DYNC2H1: variants seen among roughly 807,000 people sequenced by gnomAD.
The protein encoded by DYNC2H1 is cytoplasmic dynein 2 heavy chain 1.
In DYNC2H1, 410 loss-of-function variants were observed where a neutral mutation model predicts 570.0. The observed-to-expected ratio is 0.72, with a 90% confidence interval of 0.66 to 0.78. The LOEUF (loss-of-function observed/expected upper bound fraction) is 0.78, where lower values mean the gene tolerates loss of function less well. DYNC2H1 is among the 30% of genes least tolerant of loss of function. DYNC2H1 has a pLI of 0.00. For missense variants in DYNC2H1, 4,865 were observed against 5,046.4 expected (o/e 0.96, Z 1.09); for synonymous variants, 1,688 against 1,677.6 (o/e 1.01, Z -0.15).
intron 87 of DYNC2H1, among the ~76,000 whole-genome samples, chr11:103,464,047 GA>G: frequency 6.6e-6 from 1 of 151,702 alleles, no homozygotes; most frequent in African/African-American, 2.4e-5. Flanking sequence ...AAGTAAATGG[GA>G]AAAAAAATCT....
intron 84 of DYNC2H1, among the ~76,000 whole-genome samples, chr11:103,426,801 G>A (rs1255585251): frequency 6.6e-6 from 1 of 152,164 alleles, no homozygotes; most frequent in Non-Finnish European, 1.5e-5. Flanking sequence ...TTAATGCGCA[G>A]AAATTAGTGC....
intron 78 of DYNC2H1, among the ~76,000 whole-genome samples, chr11:103,308,672 T>A (rs971254490): frequency 6.6e-6 from 1 of 152,170 alleles, no homozygotes; most frequent in Non-Finnish European, 1.5e-5. Flanking sequence ...TGTGTGTGTT[T>A]AATAGTGGTC....
chr11:103,432,642 A>G (rs78852776), intron 84 of DYNC2H1, among the ~76,000 whole-genome samples: 3,923 of 143,576 alleles, frequency 0.027, 115 homozygotes, highest in African/African-American at 0.07. Flanking sequence ...CATAAACAGC[A>G]AGCAATAAGT....
chr11:103,170,887 G>T lies in DYNC2H1; in HGVS notation c.5153G>T (p.Gly1718Val), dbSNP rs561851770. The change falls in exon 34 of 89, where the codon GGC becomes GTC. Residue 1718 changes from glycine (G) to valine (V), a missense_variant and splice_region_variant. By Grantham distance (109) the Gly-to-Val change is moderately radical. This residue lies in a region of DYNC2H1 where 292 missense variants were observed against 300.2 expected (regional missense o/e 0.97). Transcript: ENST00000375735. The surrounding 1 kb of genome is among the most constrained non-coding windows in gnomAD (Gnocchi z 4.8). ...ATAATTTTTATTGTTGTTTTTAAGG[G>T]CATCGATGTGAAGTCAATGGGACGA... Reference protein sequence around the residue: ...RQVLVFNCDEGIDVKSMGRIF... With the variant: ...RQVLVFNCDEVIDVKSMGRIF... The T allele has an allele frequency of 1.3e-6, 2 of 1,488,596 alleles. No homozygotes were observed. The highest frequency in any genetic ancestry group is 1.8e-6 in the Non-Finnish European group (2 of 1,109,588). The allele number at this position is 1,488,596 out of a possible 1,614,324, so 92.2% of individuals were successfully genotyped here. A position where few individuals can be genotyped will look rare whatever the true frequency, so the allele number is the denominator to read the frequency against.
At chr11:103,406,975 GTATT>G (rs557647510) in intron 84 of DYNC2H1, 5 of 151,842 alleles carry the variant, frequency 3.3e-5, no homozygotes, top group Non-Finnish European at 7.4e-5. Context: ...TCGATTAATA[GTATT>G]TATTGTTCAT....
chr11:103,283,161 T>A, intron 73 of DYNC2H1, 76 bp downstream of exon 73: 1 of 1,191,618 alleles, frequency 8.4e-7, no homozygotes, highest in Non-Finnish European at 1.2e-6. Context: ...TTTGTGCTCC[T>A]TATTCGTAAT....
chr11:103,255,156 A>C (rs571865781), intron 66 of DYNC2H1, among the ~76,000 whole-genome samples: 1 of 152,316 alleles, frequency 6.6e-6, no homozygotes, highest in Admixed American at 6.5e-5. Flanking sequence ...TAAATATTAC[A>C]CATTGATATG....
At chr11:103,335,144 T>C (rs1318912628) in intron 82 of DYNC2H1, among the ~76,000 whole-genome samples, 1 of 152,072 alleles carries the variant, frequency 6.6e-6, no homozygotes, top group East Asian at 1.9e-4. Context: ...TAGCATCCAA[T>C]AATGCATTTT....
chr11:103,287,174 G>T (rs1167290195), intron 74 of DYNC2H1, among the ~76,000 whole-genome samples: 2 of 151,894 alleles, frequency 1.3e-5, no homozygotes, highest in Admixed American at 1.3e-4. Flanking sequence ...ATAGTGATTT[G>T]AAAATTTTAG....
At chr11:103,394,716 G>A (rs938486834) in intron 83 of DYNC2H1, among the ~76,000 whole-genome samples, 1 of 152,034 alleles carries the variant, frequency 6.6e-6, no homozygotes, top group Non-Finnish European at 1.5e-5. Context: ...AGGAGCTTTT[G>A]TTTGAAATAA....
chr11:103,477,832 C>CAAAAAAAA (rs55817710), intron 88 of DYNC2H1, among the ~76,000 whole-genome samples: 5 of 72,602 alleles, frequency 6.9e-5, no homozygotes, highest in Admixed American at 2.0e-4. Context: ...CTCCCCATCT[C>CAAAAAAAA]AAAAAAAAAA....
At chr11:103,476,896 A>G (rs1297971678) in intron 88 of DYNC2H1, among the ~76,000 whole-genome samples, 1 of 152,186 alleles carries the variant, frequency 6.6e-6, no homozygotes, top group African/African-American at 2.4e-5. Flanking sequence ...CATTTAAGAG[A>G]TGTAGTAGCT....
In DYNC2H1 at chr11:103,133,457, G is replaced by A; in HGVS notation, c.1954-98G>A. On this transcript the variant is annotated intron_variant, in intron 13 of 88. Transcript: ENST00000375735. This position sits in a 1 kb window ranked among gnomAD's most constrained non-coding sequence, Gnocchi z 4.8. Reference sequence around the variant, plus strand: ...TTATTATGTGCTTTCTTTGTTGCAGGTCAGAGTTGGGGATAGTTGAACTTT... The same window carrying A: ...TTATTATGTGCTTTCTTTGTTGCAGATCAGAGTTGGGGATAGTTGAACTTT... The A allele has an allele frequency of 1.8e-6, 2 of 1,131,304 alleles. No homozygotes were observed. The highest frequency in any genetic ancestry group is 3.2e-5 in the South Asian group (2 of 62,234). The allele number at this position is 1,131,304 out of a possible 1,614,324, so 70.1% of individuals were successfully genotyped here.
At chr11:103,449,835 A>G (rs982916204) in intron 85 of DYNC2H1, among the ~76,000 whole-genome samples, 1 of 152,162 alleles carries the variant, frequency 6.6e-6, no homozygotes, top group Non-Finnish European at 1.5e-5. Context: ...TCTTCTACCT[A>G]ATACATATAA....
intron 75 of DYNC2H1, among the ~76,000 whole-genome samples, chr11:103,295,581 A>G (rs1175574830): frequency 6.6e-6 from 1 of 152,178 alleles, no homozygotes. Context: ...AAGTGGTACA[A>G]TGAAGGTCAT....
At chr11:103,310,102 T>C (rs1411159749) in intron 78 of DYNC2H1, among the ~76,000 whole-genome samples, 14 of 152,130 alleles carry the variant, frequency 9.2e-5, no homozygotes, top group Non-Finnish European at 1.0e-4. Flanking sequence ...TTAAATTCAC[T>C]TCATTATTTT....
chr11:103,230,378 A>G (rs1863959240), intron 59 of DYNC2H1, among the ~76,000 whole-genome samples: 1 of 152,112 alleles, frequency 6.6e-6, no homozygotes, highest in African/African-American at 2.4e-5. Flanking sequence ...CAACCCCTTA[A>G]TATTTGTGGG....
chr11:103,219,735 T>C (rs563644201), intron 55 of DYNC2H1, among the ~76,000 whole-genome samples, 180 bp from the exon 56 acceptor site: 1 of 152,332 alleles, frequency 6.6e-6, no homozygotes, highest in East Asian at 1.9e-4. Context: ...ATAGAAAATA[T>C]GGAGTAAAAT....
At chr11:103,398,701 A>G (rs1347565998) in intron 83 of DYNC2H1, among the ~76,000 whole-genome samples, 1 of 151,738 alleles carries the variant, frequency 6.6e-6, no homozygotes, top group African/African-American at 2.4e-5. Flanking sequence ...CTTTTAGACT[A>G]TTATTGAAAG....
Sources: allele counts gnomAD v4.1 joint callset (sites outside exome capture counted in the v4.1 genomes callset), GRCh38; gene constraint gnomAD v4.1.1; regional missense constraint gnomAD v4.1.1; non-coding constraint Gnocchi (gnomAD v3.1); transcripts MANE v1.5; gene names NCBI Gene and HGNC (gene_info 2026-07-23, HGNC 2026-07-21).